DNAAF11: variants seen among roughly 807,000 people sequenced by gnomAD.
DNAAF11 encodes the protein leucine rich repeat containing 6.
Under a neutral mutation model 60.8 loss-of-function variants are expected in DNAAF11, and 45 were observed. The observed-to-expected ratio is 0.74, with a 90% CI of 0.58 to 0.95. The LOEUF (loss-of-function observed/expected upper bound fraction) is 0.95, where lower values mean the gene tolerates loss of function less well. Ranked by LOEUF, DNAAF11 falls within the 40% of genes least tolerant of loss-of-function variation. The pLI is 0.00. For missense variants in DNAAF11, 546 were observed against 546.2 expected (o/e 1.00, Z 0.00); for synonymous variants, 191 against 183.5 (o/e 1.04, Z -0.33).
At chr8:132,602,742 G>A (rs982536956) in intron 10 of DNAAF11, among the ~76,000 whole-genome samples, 2 of 130,534 alleles carry the variant, frequency 1.5e-5, no homozygotes, top group African/African-American at 3.8e-5. Flanking sequence ...TACTTAATTT[G>A]AAATATATAT....
chr8:132,594,610 G>C (rs569446070), intron 10 of DNAAF11, among the ~76,000 whole-genome samples: 25 of 151,942 alleles, frequency 1.6e-4, no homozygotes, highest in African/African-American at 6.0e-4. Flanking sequence ...TAGATCATGG[G>C]GGCAGTTTCC....
intron 10 of DNAAF11, among the ~76,000 whole-genome samples, chr8:132,594,222 A>G (rs750050064): frequency 1.3e-5 from 2 of 152,192 alleles, no homozygotes; most frequent in Non-Finnish European, 2.9e-5. Flanking sequence ...GAAGGCAAGT[A>G]CTATTCCAGT....
chr8:132,625,534 T>C (rs961665774), intron 5 of DNAAF11, 80 bp from the exon 6 acceptor site: 2 of 1,041,892 alleles, frequency 1.9e-6, no homozygotes, highest in Admixed American at 2.8e-5. Context: ...TTAATATCTA[T>C]ACACTTTTCT....
chr8:132,589,631 T>C, intron 10 of DNAAF11, among the ~76,000 whole-genome samples: 1 of 152,226 alleles, frequency 6.6e-6, no homozygotes, highest in Non-Finnish European at 1.5e-5. Flanking sequence ...AAAATACTCA[T>C]GACACACAAT....
chr8:132,637,115 T>C lies in DNAAF11; in HGVS notation c.429+820A>G, dbSNP rs558821518. On this transcript the variant is annotated intron_variant, in intron 4 of 11. Coordinates refer to ENST00000620350, the MANE Select transcript of DNAAF11 (RefSeq NM_012472.6). Reference sequence around the variant, plus strand: ...TTTCCTCAGTTCTAAAATTACTCGATTGGGGGGATATGGTATAAGAGTAAC... The same window carrying C: ...TTTCCTCAGTTCTAAAATTACTCGACTGGGGGGATATGGTATAAGAGTAAC... Among the ~76,000 whole-genome samples the C allele has an allele frequency of 6.8e-4, 104 of 152,248 alleles. 1 individual carries two copies. The highest frequency in any genetic ancestry group is 1.5e-3 in the South Asian group (7 of 4,822).
At chr8:132,609,535 C>T (rs1818444840) in intron 10 of DNAAF11, among the ~76,000 whole-genome samples, 1 of 152,090 alleles carries the variant, frequency 6.6e-6, no homozygotes, top group Admixed American at 6.5e-5. Context: ...GTGGGCTCTT[C>T]AGCTAAACTG....
intron 10 of DNAAF11, among the ~76,000 whole-genome samples, chr8:132,588,076 C>G (rs1816087500): frequency 6.6e-6 from 1 of 152,196 alleles, no homozygotes; most frequent in African/African-American, 2.4e-5. Context: ...AATGAAGCTA[C>G]TTAGCTCTGA....
At chr8:132,674,255 G>A (rs1399106775) in intron 1 of DNAAF11, among the ~76,000 whole-genome samples, 1 of 152,054 alleles carries the variant, frequency 6.6e-6, no homozygotes, top group Non-Finnish European at 1.5e-5. Context: ...ACTAGGGTGA[G>A]ACCAGGGGAT....
intron 10 of DNAAF11, among the ~76,000 whole-genome samples, chr8:132,585,839 A>G (rs951193139): frequency 3.3e-5 from 5 of 152,180 alleles, no homozygotes; most frequent in African/African-American, 9.6e-5. Context: ...TTTGCTGACC[A>G]ATGTTATATT....
chr8:132,616,326 T>C (rs1225964884), intron 7 of DNAAF11, among the ~76,000 whole-genome samples: 3 of 152,132 alleles, frequency 2.0e-5, no homozygotes, highest in African/African-American at 7.2e-5. Context: ...CCCTTTTTTC[T>C]TCTTTATTTA....
Position 132,625,252 on chromosome 8 carries a change from C to T in DNAAF11, c.836+20G>A. ...TGATAAGTGGCTACTGCTTCCCTCT[C>T]CTAGGAAAGAATGAAATACCTTAAT... On this transcript the variant is annotated intron_variant, in intron 6 of 11. Transcript: ENST00000620350. The T allele has an allele frequency of 3.8e-6, 6 of 1,570,222 alleles. No individual in the cohort carries two copies. Among genetic ancestry groups the T allele is most frequent in the Non-Finnish European group, 5.2e-6 (6 of 1,155,842 alleles).
chr8:132,682,583 G>A, the DNAAF11 span, among the ~76,000 whole-genome samples: 2 of 152,166 alleles, frequency 1.3e-5, no homozygotes, highest in Non-Finnish European at 2.9e-5. Flanking sequence ...AAGTGAACAA[G>A]CACCTTTCAC....
chr8:132,647,658 C>T lies in DNAAF11; in HGVS notation c.256+9172G>A, dbSNP rs185483179. 4.0e-4 allele frequency among the ~76,000 whole-genome samples: 61 copies of T among 152,124 alleles called. No individual in the cohort carries two copies. In the East Asian group the frequency reaches 8.9e-3, roughly 22 times the overall value. ...AAAAGAGAGAAGAATCAAATAGATG[C>T]AATAAAAAATGATAAAGGGGATATC... On this transcript the variant is annotated intron_variant, in intron 3 of 11. Coordinates refer to ENST00000620350, the MANE Select transcript of DNAAF11 (RefSeq NM_012472.6).
the DNAAF11 span, among the ~76,000 whole-genome samples, chr8:132,698,965 C>CA: frequency 5.0e-4 from 49 of 97,620 alleles, no homozygotes; most frequent in African/African-American, 2.9e-3. Flanking sequence ...TACACACACA[C>CA]ACACACAAAA....
chr8:132,621,332 T>C (rs561950161), intron 7 of DNAAF11, among the ~76,000 whole-genome samples: 1 of 152,086 alleles, frequency 6.6e-6, no homozygotes, highest in South Asian at 2.1e-4. Context: ...GGGGTGACAA[T>C]GAGTTGAAGT....
intron 10 of DNAAF11, among the ~76,000 whole-genome samples, chr8:132,609,346 T>C (rs1486935872): frequency 2.0e-5 from 3 of 146,940 alleles, no homozygotes; most frequent in Non-Finnish European, 3.0e-5. Context: ...GTCTCGGGAA[T>C]CAAGAAAAAA....
At chr8:132,687,690 A>C in the DNAAF11 span, 1 of 456,256 alleles carries the variant, frequency 2.2e-6, no homozygotes. Flanking sequence ...AGTTTAAGGG[A>C]TAAGTGACTT....
At chr8:132,607,351 C>G (rs1564014188) in intron 10 of DNAAF11, among the ~76,000 whole-genome samples, 2 of 152,296 alleles carry the variant, frequency 1.3e-5, no homozygotes, top group South Asian at 4.1e-4. Context: ...TTACAGCAAT[C>G]TGTAGTATGC....
intron 4 of DNAAF11, among the ~76,000 whole-genome samples, chr8:132,635,689 T>C (rs895377077): frequency 5.3e-5 from 8 of 152,218 alleles, no homozygotes; most frequent in African/African-American, 1.9e-4. Context: ...ATAGGGTTAT[T>C]ATAGATGTCC....
Sources: allele counts gnomAD v4.1 joint callset (sites outside exome capture counted in the v4.1 genomes callset), GRCh38; gene constraint gnomAD v4.1.1; transcripts MANE v1.5; gene names NCBI Gene and HGNC (gene_info 2026-07-23, HGNC 2026-07-21).